FAM184B: variants seen among roughly 807,000 people sequenced by gnomAD.
FAM184B encodes family with sequence similarity 184 member B.
Under a neutral mutation model 135.9 loss-of-function variants are expected in FAM184B, and 111 were observed. That is an observed-to-expected ratio of 0.82 (90% CI 0.70 to 0.96). FAM184B has a LOEUF of 0.96. Among genes scored for constraint, FAM184B ranks in the 40% least tolerant of loss-of-function variants. FAM184B has a pLI of 0.00. For synonymous variants in FAM184B, 552 were observed against 524.8 expected (o/e 1.05, Z -0.71); for missense variants, 1,375 against 1,323.9 (o/e 1.04, Z -0.60).
intron 7 of FAM184B, among the ~76,000 whole-genome samples, chr4:17,674,157 A>AAT (rs1716257786): frequency 6.6e-6 from 1 of 152,210 alleles, no homozygotes; most frequent in South Asian, 2.1e-4. Flanking sequence ...GTAGTGTGCA[A>AAT]ATCACTTTTA....
intron 1 of FAM184B, among the ~76,000 whole-genome samples, chr4:17,746,666 A>G (rs1718172537): frequency 6.7e-6 from 1 of 150,132 alleles, no homozygotes; most frequent in Non-Finnish European, 1.5e-5. Context: ...CGGGAGGTGG[A>G]GCTTGCAGTG....
At chr4:17,702,211 G>A (rs1354855642) in intron 5 of FAM184B, among the ~76,000 whole-genome samples, 1 of 152,140 alleles carries the variant, frequency 6.6e-6, no homozygotes, top group Non-Finnish European at 1.5e-5. Flanking sequence ...CTGCCTAAAC[G>A]CCCAGTTTGG....
intron 7 of FAM184B, among the ~76,000 whole-genome samples, chr4:17,688,012 A>C (rs1337012876): frequency 6.6e-6 from 1 of 152,144 alleles, no homozygotes; most frequent in Non-Finnish European, 1.5e-5. Flanking sequence ...GTTCACGGAC[A>C]AGGGCTGTTG....
At chr4:17,749,350 G>A (rs1718243700) in intron 1 of FAM184B, among the ~76,000 whole-genome samples, 1 of 151,906 alleles carries the variant, frequency 6.6e-6, no homozygotes, top group African/African-American at 2.4e-5. Context: ...GGGAGGCTAG[G>A]GCAGGAGAAT....
intron 5 of FAM184B, among the ~76,000 whole-genome samples, chr4:17,694,452 G>T (rs1006176239): frequency 1.3e-5 from 2 of 152,060 alleles, no homozygotes; most frequent in African/African-American, 4.8e-5. Context: ...GAACCCAGGA[G>T]GGGGAGCTTG....
intron 1 of FAM184B, among the ~76,000 whole-genome samples, chr4:17,772,693 G>A (rs1434642331): frequency 6.6e-6 from 1 of 152,166 alleles, no homozygotes; most frequent in East Asian, 1.9e-4. Context: ...CAAGGTGTGA[G>A]TCTGTTTTGA....
chr4:17,688,333 A>G, intron 7 of FAM184B, 91 bp downstream of exon 7: 1 of 922,940 alleles, frequency 1.1e-6, no homozygotes. Context: ...AAAAGAGCCC[A>G]TTAACATCAG....
intron 5 of FAM184B, among the ~76,000 whole-genome samples, chr4:17,701,695 C>G (rs1716988363): frequency 6.6e-6 from 1 of 152,182 alleles, no homozygotes; most frequent in Non-Finnish European, 1.5e-5. Flanking sequence ...GCACACAGAA[C>G]TTGGCACCTG....
intron 1 of FAM184B, among the ~76,000 whole-genome samples, chr4:17,733,157 C>G (rs1201737853): frequency 1.3e-5 from 2 of 152,042 alleles, no homozygotes; most frequent in African/African-American, 4.8e-5. Context: ...TAAAAACTCT[C>G]AATAAATTAG....
chr4:17,716,076 G>A (rs777175551), intron 1 of FAM184B, among the ~76,000 whole-genome samples: 5 of 152,176 alleles, frequency 3.3e-5, no homozygotes, highest in Non-Finnish European at 7.3e-5. Flanking sequence ...AGATGCAAGA[G>A]GAAGGAGGAC....
In FAM184B at chr4:17,655,148, G is replaced by A. The variant is rs562274410; in HGVS notation, c.2038-2165C>T. ...GGCGTGAGCCACCATGCCTGATTGC[G>A]AGTTTATTTAATAAAACAGAAAAGG... On this transcript the variant is annotated intron_variant, in intron 10 of 17. Transcript: ENST00000265018. 5.3e-5 allele frequency among the ~76,000 whole-genome samples: 8 copies of A among 152,266 alleles called. No homozygotes were observed. In the South Asian group the frequency reaches 1.0e-3, roughly 20 times the overall value.
chr4:17,699,408 C>T (rs2215269), intron 5 of FAM184B, among the ~76,000 whole-genome samples: 144,685 of 152,100 alleles, frequency 0.95, 69,261 homozygotes, highest in East Asian at 1. Flanking sequence ...CATATCATAA[C>T]CAAATTGTTG....
intron 1 of FAM184B, among the ~76,000 whole-genome samples, chr4:17,741,620 G>C (rs905989426): frequency 1.3e-5 from 2 of 152,200 alleles, no homozygotes; most frequent in African/African-American, 4.8e-5. Context: ...ATTAACCCAG[G>C]AGGCGGAAGT....
At chr4:17,736,794 G>A (rs1212122473) in intron 1 of FAM184B, among the ~76,000 whole-genome samples, 1 of 152,176 alleles carries the variant, frequency 6.6e-6, no homozygotes, top group Non-Finnish European at 1.5e-5. Context: ...GGGAAATGAA[G>A]TCTCTAGCTG....
chr4:17,746,979 A>G (rs1427651296), intron 1 of FAM184B, among the ~76,000 whole-genome samples: 3 of 150,090 alleles, frequency 2.0e-5, no homozygotes, highest in Middle Eastern at 3.2e-3. Context: ...TGGAGTTTGC[A>G]GTGAGCTGAG....
chr4:17,728,995 T>G (rs567603616), intron 1 of FAM184B, among the ~76,000 whole-genome samples: 1 of 152,270 alleles, frequency 6.6e-6, no homozygotes, highest in Admixed American at 6.5e-5. Context: ...TTCCTTTTCC[T>G]AGTCAAAGAA....
intron 1 of FAM184B, among the ~76,000 whole-genome samples, chr4:17,726,835 C>T (rs1560186924): frequency 6.6e-6 from 1 of 152,186 alleles, no homozygotes; most frequent in Admixed American, 6.5e-5. Flanking sequence ...TCTTTGTCAA[C>T]AGTCCCAACA....
chr4:17,731,761 C>T (rs1169363618), intron 1 of FAM184B, among the ~76,000 whole-genome samples: 2 of 152,120 alleles, frequency 1.3e-5, no homozygotes, highest in Non-Finnish European at 2.9e-5. Flanking sequence ...CAACATTAGA[C>T]AGATCAACGA....
At chr4:17,698,597 T>C (rs1285108442) in intron 5 of FAM184B, among the ~76,000 whole-genome samples, 1 of 152,086 alleles carries the variant, frequency 6.6e-6, no homozygotes, top group East Asian at 1.9e-4. Flanking sequence ...AACCAGTCAT[T>C]AGCAATAATA....
Sources: allele counts gnomAD v4.1 joint callset (sites outside exome capture counted in the v4.1 genomes callset), GRCh38; gene constraint gnomAD v4.1.1; transcripts MANE v1.5; gene names NCBI Gene and HGNC (gene_info 2026-07-23, HGNC 2026-07-21).